VPS26A: variants seen among roughly 807,000 people sequenced by gnomAD.
VPS26A encodes VPS26 retromer complex component A, also known as vacuolar protein sorting-associated protein 26A.
A neutral mutation model predicts 42.4 loss-of-function variants in VPS26A; 22 were observed. That is an observed-to-expected ratio of 0.52 (90% CI 0.37 to 0.74). The LOEUF (loss-of-function observed/expected upper bound fraction) is 0.74, where lower values mean the gene tolerates loss of function less well. Ranked by LOEUF, VPS26A falls within the 30% of genes least tolerant of loss-of-function variation. VPS26A has a pLI of 0.00. For missense variants in VPS26A, 276 were observed against 379.2 expected (o/e 0.73, Z 2.26); for synonymous variants, 110 against 123.5 (o/e 0.89, Z 0.73).
At chr10:69,133,305 T>TG (rs1840827962) in intron 2 of VPS26A, among the ~76,000 whole-genome samples, 1 of 151,922 alleles carries the variant, frequency 6.6e-6, no homozygotes, top group Non-Finnish European at 1.5e-5. Flanking sequence ...GTGTGGTTCA[T>TG]GAAAAAAAAA....
chr10:69,160,938 G>T (rs1340670446), intron 5 of VPS26A, among the ~76,000 whole-genome samples: 1 of 152,148 alleles, frequency 6.6e-6, no homozygotes, highest in Non-Finnish European at 1.5e-5. Flanking sequence ...CTTTTACTTT[G>T]TCTTTGTGGG....
chr10:69,126,973 T>A (rs950423393), intron 1 of VPS26A, among the ~76,000 whole-genome samples: 1 of 151,804 alleles, frequency 6.6e-6, no homozygotes, highest in Non-Finnish European at 1.5e-5. Context: ...TATTATTATT[T>A]TTTGAGACGG....
chr10:69,165,484 T>C (rs1374633848), intron 6 of VPS26A, among the ~76,000 whole-genome samples: 1 of 152,114 alleles, frequency 6.6e-6, no homozygotes, highest in Non-Finnish European at 1.5e-5. Flanking sequence ...TCTCCTTTGT[T>C]GTTTCAAACA....
At chr10:69,168,742 A>G (rs1294616872) in intron 8 of VPS26A, 111 bp downstream of exon 8, 1 of 1,332,236 alleles carries the variant, frequency 7.5e-7, no homozygotes, top group Non-Finnish European at 1.0e-6. Context: ...TAAATAAATA[A>G]AAACACTGTG....
At chr10:69,140,558 A>G (rs569824676) in intron 2 of VPS26A, among the ~76,000 whole-genome samples, 4 of 150,548 alleles carry the variant, frequency 2.7e-5, no homozygotes, top group African/African-American at 9.8e-5. Flanking sequence ...TATTTTTGGT[A>G]TTTTGGGGTA....
chr10:69,139,857 G>A (rs1011246492), intron 2 of VPS26A, among the ~76,000 whole-genome samples: 4 of 151,618 alleles, frequency 2.6e-5, no homozygotes, highest in African/African-American at 9.7e-5. Flanking sequence ...ATTCTTTTCT[G>A]ATTTTTCTCA....
At chr10:69,156,319 G>A (rs1841427581) in intron 3 of VPS26A, among the ~76,000 whole-genome samples, 1 of 151,836 alleles carries the variant, frequency 6.6e-6, no homozygotes, top group South Asian at 2.1e-4. Context: ...GAAAGGTGTA[G>A]TTTCTTCTTG....
At position 69,174,360 on chromosome 10, in the gene VPS26A, CAG is replaced by C. The variant is rs1841887439; in HGVS notation, c.*3094_*3095del. Among the ~76,000 whole-genome samples the C allele has an allele frequency of 1.1e-4, 16 of 152,266 alleles. No homozygotes were observed. In the South Asian group the frequency reaches 3.1e-3, roughly 30 times the overall value. ...AGACACCATGTCTCAAAAATCTACC[CAG>C]AGTTGGGAACCACTGATCTAAACCA... On this transcript the variant is annotated 3_prime_UTR_variant, in exon 9 of 9. Transcript: ENST00000263559.
rs907442872 is a variant in VPS26A, at chr10:69,173,606, G to C, written c.*2337G>C. On this transcript the variant is annotated 3_prime_UTR_variant, in exon 9 of 9. Coordinates refer to ENST00000263559, the MANE Select transcript of VPS26A (RefSeq NM_004896.5). ...CTTGGAGAACTTTTCTGTCTTACAA[G>C]GGGATTGTAGAATGCACCAATCAAC... Among the ~76,000 whole-genome samples the C allele has an allele frequency of 6.6e-6, 1 of 152,204 alleles. No individual in the cohort carries two copies. Among genetic ancestry groups the C allele is most frequent in the Non-Finnish European group, 1.5e-5 (1 of 68,032 alleles).
chr10:69,142,073 CG>C (rs1841054297), intron 2 of VPS26A, among the ~76,000 whole-genome samples: 1 of 151,474 alleles, frequency 6.6e-6, no homozygotes, highest in East Asian at 1.9e-4. Context: ...TTAGTAGAGA[CG>C]GGGTTTCACC....
chr10:69,164,899 A>G (rs1841652184), intron 6 of VPS26A, among the ~76,000 whole-genome samples: 1 of 150,724 alleles, frequency 6.6e-6, no homozygotes, highest in Non-Finnish European at 1.5e-5. Context: ...ATATAAATAT[A>G]TAAACTTACT....
Position 69,136,412 on chromosome 10 carries a change from G to A in VPS26A, c.153+3365G>A, listed in dbSNP as rs1005516675. ...CCTGAGTAGCTGGGATTACAGGCACGCGCCACGACATCCGGCTAATTTTCG... is the reference window on the plus strand; with the variant it reads ...CCTGAGTAGCTGGGATTACAGGCACACGCCACGACATCCGGCTAATTTTCG... On this transcript the variant is annotated intron_variant, in intron 2 of 8. Coordinates refer to ENST00000263559, the MANE Select transcript of VPS26A (RefSeq NM_004896.5). Among the ~76,000 whole-genome samples, 3 of 151,646 alleles carry A rather than the reference G, an allele frequency of 2.0e-5. 1 individual carries two copies. The South Asian group carries it at 6.2e-4, about 32-fold the overall frequency.
chr10:69,157,266 A>T lies in VPS26A; in HGVS notation c.386+103A>T. The T allele has an allele frequency of 2.1e-6, 3 of 1,408,668 alleles. No homozygotes were observed. In the South Asian group the frequency reaches 4.9e-5, roughly 23 times the overall value. The allele number at this position is 1,408,668 out of a possible 1,614,324, so 87.3% of individuals were successfully genotyped here. ...TCTAATTATAATTCTGTATTGGAAG[A>T]TTTAAGATTTTTAAAAATTCTGTCA... On this transcript the variant is annotated intron_variant, in intron 4 of 8. Transcript: ENST00000263559.
chr10:69,127,496 T>G (rs184646388), intron 1 of VPS26A, among the ~76,000 whole-genome samples: 79 of 148,998 alleles, frequency 5.3e-4, no homozygotes, highest in African/African-American at 1.8e-3. Context: ...GAGCTTGCAG[T>G]GAGCCGAGCT....
At chr10:69,159,980 T>A (rs1247162851) in intron 5 of VPS26A, among the ~76,000 whole-genome samples, 2 of 152,178 alleles carry the variant, frequency 1.3e-5, no homozygotes, top group Non-Finnish European at 2.9e-5. Context: ...TGTTACATTA[T>A]TTTTATTGGT....
Position 69,171,941 on chromosome 10 carries a change from T to C in VPS26A, c.*672T>C, listed in dbSNP as rs2132246307. Reference sequence around the variant, plus strand: ...CCCAAGGGATTATGTGGCAGGTCATTATGGCCTTCTTTTTTTTGGCCATAT... The same window carrying C: ...CCCAAGGGATTATGTGGCAGGTCATCATGGCCTTCTTTTTTTTGGCCATAT... On this transcript the variant is annotated 3_prime_UTR_variant, in exon 9 of 9. Coordinates refer to ENST00000263559, the MANE Select transcript of VPS26A (RefSeq NM_004896.5). 1 of 152,334 alleles carries C rather than the reference T, an allele frequency of 6.6e-6. No individual in the cohort carries two copies. Among genetic ancestry groups the C allele is most frequent in the South Asian group, 2.1e-4 (1 of 4,826 alleles). 9.4% of individuals were successfully genotyped at this position (152,334 alleles called of 1,614,324 possible). A position where few individuals can be genotyped will look rare whatever the true frequency, so the allele number is the denominator to read the frequency against.
rs761365428 is a variant in VPS26A at position 69,146,323 on chromosome 10, G to C, written c.154-9489G>C. On this transcript the variant is annotated intron_variant, in intron 2 of 8. Transcript: ENST00000263559. ...GCTGGTCTCAAACTTCTGACCTTAT[G>C]ATCTGCCCACCTCGGTTTCCCAAAG... Among the ~76,000 whole-genome samples, 50 of 152,188 alleles carry C rather than the reference G, an allele frequency of 3.3e-4. 1 individual carries two copies. The highest frequency in any genetic ancestry group is 6.5e-4 in the Non-Finnish European group (44 of 68,036).
At chr10:69,132,071 T>C (rs1840791422) in intron 1 of VPS26A, among the ~76,000 whole-genome samples, 1 of 152,204 alleles carries the variant, frequency 6.6e-6, no homozygotes, top group African/African-American at 2.4e-5. Context: ...GCTTTCACAG[T>C]GTAACATATC....
At chr10:69,146,092 TATTC>T (rs943459037) in intron 2 of VPS26A, among the ~76,000 whole-genome samples, 5 of 152,282 alleles carry the variant, frequency 3.3e-5, no homozygotes, top group South Asian at 4.1e-4. Context: ...TTCAATCACT[TATTC>T]ATTCATTCAT....
Sources: allele counts gnomAD v4.1 joint callset (sites outside exome capture counted in the v4.1 genomes callset), GRCh38; gene constraint gnomAD v4.1.1; transcripts MANE v1.5; gene names NCBI Gene and HGNC (gene_info 2026-07-23, HGNC 2026-07-21).